Variants in APLP2 observed in about 807,000 individuals in gnomAD.
APLP2 encodes amyloid beta precursor like protein 2, also known as CDEI box-binding protein.
Under a neutral mutation model 89.9 loss-of-function variants are expected in APLP2, and 53 were observed. The ratio of observed to expected loss-of-function variants is 0.59; its 90% CI spans 0.47 to 0.74. The LOEUF is 0.74. Among genes scored for constraint, APLP2 ranks in the 30% least tolerant of loss-of-function variants. The probability of loss-of-function intolerance (pLI) is 0.00; values close to 1 mark genes in which losing one functional copy is unlikely to be tolerated. For missense variants in APLP2, 973 were observed against 975.9 expected, an observed-to-expected ratio of 1.00 and a Z score of 0.04; for synonymous variants, 372 against 348.6, an observed-to-expected ratio of 1.07 and a Z score of -0.75.
intron 1 of APLP2, among the ~76,000 whole-genome samples, chr11:130,087,274 G>A (rs1461506973): frequency 1.3e-5 from 2 of 152,202 alleles, no homozygotes; most frequent in African/African-American, 4.8e-5. Flanking sequence ...GCAGTCTGCA[G>A]GCAGAATGTG....
chr11:130,091,582 G>A (rs1263664107), intron 1 of APLP2, among the ~76,000 whole-genome samples: 15 of 140,152 alleles, frequency 1.1e-4, no homozygotes, highest in African/African-American at 1.7e-4. Flanking sequence ...GCGGCTGGCC[G>A]GGTGGGGGGG....
intron 1 of APLP2, among the ~76,000 whole-genome samples, chr11:130,092,238 C>T (rs1246973714): frequency 1.5e-5 from 2 of 133,182 alleles, no homozygotes; most frequent in Non-Finnish European, 3.1e-5. Flanking sequence ...ACTTTCCAGA[C>T]TGGGCAGCCA....
rs1219096496 is a variant in APLP2, at chr11:130,123,274, A to G, written c.923-338A>G. On this transcript the variant is annotated intron_variant, in intron 6 of 16. Transcript: ENST00000338167. This position sits in a 1 kb window ranked among gnomAD's most constrained non-coding sequence, Gnocchi z 4.0. ...TCCACTCACACTGTCTCCTGAATAG[A>G]CAAACTAGGCAGATACCTCCACTGA... 5.3e-5 allele frequency among the ~76,000 whole-genome samples: 8 copies of G among 152,234 alleles called. No individual in the cohort carries two copies. The highest frequency in any genetic ancestry group is 5.2e-4 in the Admixed American group (8 of 15,286).
chr11:130,117,319 T>C (rs552856406), intron 3 of APLP2, among the ~76,000 whole-genome samples: 1 of 152,338 alleles, frequency 6.6e-6, no homozygotes, highest in African/African-American at 2.4e-5. Context: ...GGTTTTGATT[T>C]TAAACTTTAA....
At chr11:130,110,083 T>C (rs1279577027) in intron 2 of APLP2, among the ~76,000 whole-genome samples, 2 of 152,116 alleles carry the variant, frequency 1.3e-5, no homozygotes, top group African/African-American at 4.8e-5. Context: ...CAAGCCATCC[T>C]CCCCAGCCTC....
chr11:130,077,289 A>G (rs1245214787), intron 1 of APLP2, among the ~76,000 whole-genome samples: 3 of 152,230 alleles, frequency 2.0e-5, no homozygotes, highest in Non-Finnish European at 4.4e-5. Flanking sequence ...GGAATGGTGA[A>G]GAATGTGAAA....
At chr11:130,105,864 C>T (rs113969525) in intron 1 of APLP2, among the ~76,000 whole-genome samples, 5 of 151,974 alleles carry the variant, frequency 3.3e-5, no homozygotes, top group South Asian at 2.1e-4. Flanking sequence ...CCACCACACC[C>T]GGCTAATTTT....
At chr11:130,094,492 A>G (rs1402510129) in intron 1 of APLP2, among the ~76,000 whole-genome samples, 1 of 152,132 alleles carries the variant, frequency 6.6e-6, no homozygotes, top group Non-Finnish European at 1.5e-5. Context: ...CCTGGCCGGG[A>G]TTTACTTCTA....
intron 1 of APLP2, among the ~76,000 whole-genome samples, chr11:130,104,152 A>C (rs1947323965): frequency 6.6e-6 from 1 of 150,864 alleles, no homozygotes; most frequent in African/African-American, 2.4e-5. Flanking sequence ...CACACAATCC[A>C]AGTTTCTAGC....
intron 1 of APLP2, among the ~76,000 whole-genome samples, chr11:130,071,677 T>C (rs1487974286): frequency 3.9e-5 from 6 of 152,220 alleles, no homozygotes; most frequent in Admixed American, 3.3e-4. Context: ...AATACTTGTG[T>C]AGCGGGAAAA....
chr11:130,085,934 A>G (rs1448819705), intron 1 of APLP2, among the ~76,000 whole-genome samples: 2 of 152,162 alleles, frequency 1.3e-5, no homozygotes, highest in Non-Finnish European at 2.9e-5. Context: ...CATTTTGTTC[A>G]TTCATCTGTT....
intron 1 of APLP2, among the ~76,000 whole-genome samples, chr11:130,104,518 T>C (rs1947389458): frequency 6.6e-6 from 1 of 152,108 alleles, no homozygotes; most frequent in Admixed American, 6.6e-5. Flanking sequence ...GTGCCGGGCT[T>C]GGTATGCATC....
intron 3 of APLP2, among the ~76,000 whole-genome samples, chr11:130,113,102 A>C (rs777273967): frequency 5.9e-5 from 9 of 152,192 alleles, no homozygotes; most frequent in Non-Finnish European, 8.8e-5. Flanking sequence ...ATGATTGTTC[A>C]TAGACCTTTC....
At chr11:130,079,832 A>G (rs1942863129) in intron 1 of APLP2, among the ~76,000 whole-genome samples, 1 of 152,212 alleles carries the variant, frequency 6.6e-6, no homozygotes, top group South Asian at 2.1e-4. Flanking sequence ...TGTTTTTGCA[A>G]TTTATATGAT....
chr11:130,105,599 T>G (rs1401311785), intron 1 of APLP2, among the ~76,000 whole-genome samples: 1 of 152,156 alleles, frequency 6.6e-6, no homozygotes, highest in Non-Finnish European at 1.5e-5. Flanking sequence ...AGTTTTGCAG[T>G]TGGGGACTCT....
chr11:130,071,527 G>T (rs1941097722), intron 1 of APLP2, among the ~76,000 whole-genome samples: 1 of 152,194 alleles, frequency 6.6e-6, no homozygotes, highest in East Asian at 1.9e-4. Context: ...AAAGGCTTTC[G>T]TATGGAAGAT....
chr11:130,098,132 C>T lies in APLP2; in HGVS notation c.106-11297C>T, dbSNP rs143270950. Among the ~76,000 whole-genome samples the T allele has an allele frequency of 1.1e-3, 163 of 152,220 alleles. No individual in the cohort carries two copies. In the East Asian group the frequency reaches 0.028, roughly 27 times the overall value. Reference sequence around the variant, plus strand: ...ATTAAAACATGGATATTTGGCCGGGCGCGGTGGCTCACGCCTGTAATCCCA... The same window carrying T: ...ATTAAAACATGGATATTTGGCCGGGTGCGGTGGCTCACGCCTGTAATCCCA... On this transcript the variant is annotated intron_variant, in intron 1 of 16. Transcript: ENST00000338167.
Position 130,142,589 on chromosome 11 carries a change from T to TA in APLP2, c.2154+516dup, listed in dbSNP as rs1324029176. ...GGGAAATTAGTGCAGATGCTGGTCT[T>TA]AGTTATTTGTGTTTTTTTGTTTGTT... On this transcript the variant is annotated intron_variant, in intron 16 of 16. Transcript: ENST00000338167. Among the ~76,000 whole-genome samples the TA allele has an allele frequency of 7.9e-5, 12 of 152,194 alleles. No individual in the cohort carries two copies. In the East Asian group the frequency reaches 2.1e-3, roughly 27 times the overall value.
chr11:130,097,424 C>T lies in APLP2; in HGVS notation c.106-12005C>T, dbSNP rs185388006. On this transcript the variant is annotated intron_variant, in intron 1 of 16. Coordinates refer to ENST00000338167, the MANE Select transcript of APLP2 (RefSeq NM_001142276.2). ...TTAGAAATTTAAGGACCAGGTATGGCGACTCATGCCTGTAATTCTAACACT... is the reference window on the plus strand; with the variant it reads ...TTAGAAATTTAAGGACCAGGTATGGTGACTCATGCCTGTAATTCTAACACT... Among the ~76,000 whole-genome samples the T allele has an allele frequency of 7.0e-3, 1,064 of 152,262 alleles. 7 individuals are homozygous for T. The highest frequency in any genetic ancestry group is 0.012 in the Non-Finnish European group (797 of 68,026).
Sources: allele counts gnomAD v4.1 joint callset (sites outside exome capture counted in the v4.1 genomes callset), GRCh38; gene constraint gnomAD v4.1.1; non-coding constraint Gnocchi (gnomAD v3.1); transcripts MANE v1.5; gene names NCBI Gene and HGNC (gene_info 2026-07-23, HGNC 2026-07-21).